PCDHGA9: variants seen among roughly 807,000 people sequenced by gnomAD.
The protein encoded by PCDHGA9 is protocadherin gamma-A9.
PCDHGA9 carries 37 observed loss-of-function variants against 62.5 expected under a neutral mutation model. That is an observed-to-expected ratio of 0.59 (90% CI 0.46 to 0.78). The LOEUF is 0.78. PCDHGA9 is among the 30% of genes least tolerant of loss of function. The probability of loss-of-function intolerance (pLI) is 0.00; values close to 1 mark genes in which losing one functional copy is unlikely to be tolerated. For synonymous variants in PCDHGA9, 459 were observed against 484.6 expected (o/e 0.95, Z 0.69); for missense variants, 1,138 against 1,166.2 (o/e 0.98, Z 0.35).
chr5:141,423,141 G>C, intron 1 of PCDHGA9: 1 of 1,613,580 alleles, frequency 6.2e-7, no homozygotes, highest in Non-Finnish European at 8.5e-7. Flanking sequence ...ACAGAGACGC[G>C]CTCAAGCAGA....
Position 141,405,288 on chromosome 5 carries a change from T to C in PCDHGA9, c.2336T>C (p.Leu779Pro). 1 of 1,614,110 alleles carries C rather than the reference T, an allele frequency of 6.2e-7. No individual in the cohort carries two copies. The highest frequency in any genetic ancestry group is 1.3e-5 in the African/African-American group (1 of 75,016). Reference protein sequence around the residue: ...IFPQPNYADTLISQQSCEKNE... With the variant: ...IFPQPNYADTPISQQSCEKNE... Reference sequence around the variant, plus strand: ...CCCCAGCCCAACTATGCAGACACACTCATCAGCCAGCAGAGCTGTGAGAAA... The same window carrying C: ...CCCCAGCCCAACTATGCAGACACACCCATCAGCCAGCAGAGCTGTGAGAAA... The change falls in exon 1 of 4, where the codon CTC becomes CCC. Residue 779 changes from leucine (L) to proline (P), a missense_variant. Leu to Pro is a moderately conservative substitution (Grantham distance 98, BLOSUM62 -3). Coordinates refer to ENST00000573521, the MANE Select transcript of PCDHGA9 (RefSeq NM_018921.3).
At chr5:141,423,497 A>G in intron 1 of PCDHGA9, 4 of 1,613,940 alleles carry the variant, frequency 2.5e-6, no homozygotes, top group Non-Finnish European at 3.4e-6. Flanking sequence ...TATTCCCACG[A>G]GGTCTCTCTC....
At chr5:141,423,362 T>G (rs1419859253) in intron 1 of PCDHGA9, 1 of 1,614,112 alleles carries the variant, frequency 6.2e-7, no homozygotes, top group African/African-American at 1.3e-5. Flanking sequence ...GTCATCGTGC[T>G]GCTGGCACTC....
intron 1 of PCDHGA9, chr5:141,417,979 G>C (rs2096202372): frequency 6.2e-7 from 1 of 1,613,752 alleles, no homozygotes; most frequent in Admixed American, 1.7e-5. Context: ...TTCCGGAGGA[G>C]CTGGCCAAGG....
chr5:141,465,800 C>T (rs1486100601), intron 1 of PCDHGA9, among the ~76,000 whole-genome samples: 1 of 151,524 alleles, frequency 6.6e-6, no homozygotes, highest in African/African-American at 2.4e-5. Flanking sequence ...TTTAAGAAAC[C>T]CTTCAGGATC....
At chr5:141,430,842 G>A (rs935750449) in intron 1 of PCDHGA9, 4 of 1,567,068 alleles carry the variant, frequency 2.6e-6, no homozygotes, top group Non-Finnish European at 3.4e-6. Flanking sequence ...GAGACCGGAT[G>A]CACCCAGATA....
intron 1 of PCDHGA9, chr5:141,420,309 A>G (rs1263620304): frequency 2.7e-6 from 4 of 1,460,536 alleles, no homozygotes; most frequent in Non-Finnish European, 3.7e-6. Context: ...TCCTTTTTAT[A>G]TTACAATATG....
intron 1 of PCDHGA9, among the ~76,000 whole-genome samples, chr5:141,456,537 G>A (rs1411788378): frequency 1.3e-5 from 2 of 152,178 alleles, no homozygotes; most frequent in African/African-American, 4.8e-5. Flanking sequence ...ATTAAAGAGG[G>A]ATTGTAGCCA....
intron 1 of PCDHGA9, among the ~76,000 whole-genome samples, chr5:141,481,426 A>G (rs1431602618): frequency 6.6e-6 from 1 of 152,238 alleles, no homozygotes; most frequent in Non-Finnish European, 1.5e-5. Flanking sequence ...TGTGATGATG[A>G]TTGTATCAGT....
At chr5:141,414,570 C>G (rs1253876890) in intron 1 of PCDHGA9, 13 of 1,613,862 alleles carry the variant, frequency 8.1e-6, no homozygotes, top group Non-Finnish European at 1.0e-5. Flanking sequence ...TTACCTATAT[C>G]CCAGAGAACA....
chr5:141,433,329 G>A, intron 1 of PCDHGA9: 1 of 702,998 alleles, frequency 1.4e-6, no homozygotes, highest in Non-Finnish European at 2.4e-6. Context: ...GTGTAACAGG[G>A]ACTACAGGTG....
At position 141,404,819 on chromosome 5, in the gene PCDHGA9, A is replaced by G; in HGVS notation, c.1867A>G (p.Thr623Ala). 1 of 1,608,430 alleles carries G rather than the reference A, an allele frequency of 6.2e-7. No individual in the cohort carries two copies. Among genetic ancestry groups the G allele is most frequent in the South Asian group, 1.1e-5 (1 of 90,772 alleles). ...AGGGCTCTTCTCGGTGGGGCTGCAC[A>G]CAGGTGAAGTGCGCACAGCTCGGGC... The part of the protein sequence containing the change: ...EPGLFSVGLH[T>A]GEVRTARALL... Residue 623 changes from threonine to alanine, a missense_variant, in exon 1 of 4, where the codon ACA (threonine) becomes GCA (alanine). By Grantham distance (58) the Thr-to-Ala change is moderately conservative (BLOSUM62 0). Coordinates refer to ENST00000573521, the MANE Select transcript of PCDHGA9 (RefSeq NM_018921.3).
At chr5:141,419,155 A>G in intron 1 of PCDHGA9, 1 of 1,613,966 alleles carries the variant, frequency 6.2e-7, no homozygotes, top group Middle Eastern at 1.6e-4. Context: ...AGCCTCCGTT[A>G]TCCTCCAGCA....
At chr5:141,423,620 C>A in intron 1 of PCDHGA9, 1 of 1,608,268 alleles carries the variant, frequency 6.2e-7, no homozygotes, top group Non-Finnish European at 8.5e-7. Flanking sequence ...GCTGAAGACT[C>A]AGCTATCATT....
At chr5:141,459,686 C>T (rs79275885) in intron 1 of PCDHGA9, among the ~76,000 whole-genome samples, 5,534 of 152,296 alleles carry the variant, frequency 0.036, 130 homozygotes, top group South Asian at 0.077. Flanking sequence ...ATGCATAAAG[C>T]GTTCCGCTTG....
Position 141,403,047 on chromosome 5 carries a change from G to T in PCDHGA9, c.95G>T (p.Arg32Leu). The change falls in exon 1 of 4, where the codon CGC becomes CTC. Residue 32 changes from arginine (R) to leucine (L), a missense_variant. Arg to Leu is a moderately radical substitution (Grantham distance 102, BLOSUM62 -2). Coordinates refer to ENST00000573521, the MANE Select transcript of PCDHGA9 (RefSeq NM_018921.3). ...MLWEARASQI[R>L]YSVPEETEKG... is the part of the protein sequence containing the mutation. ...TGGGAGGCCAGGGCCAGTCAGATTCGCTACTCAGTGCCTGAAGAGACAGAA... is the reference window on the plus strand; with the variant it reads ...TGGGAGGCCAGGGCCAGTCAGATTCTCTACTCAGTGCCTGAAGAGACAGAA... 6.2e-7 allele frequency: 1 copy of T among 1,614,062 alleles called. No homozygotes were observed. The highest frequency in any genetic ancestry group is 8.5e-7 in the Non-Finnish European group (1 of 1,179,900).
At chr5:141,422,806 C>A in intron 1 of PCDHGA9, 1 of 1,614,208 alleles carries the variant, frequency 6.2e-7, no homozygotes, top group Non-Finnish European at 8.5e-7. Flanking sequence ...TGAGCAGTTT[C>A]GAGACTTAGA....
chr5:141,430,804 G>T, intron 1 of PCDHGA9: 2 of 1,525,868 alleles, frequency 1.3e-6, no homozygotes, highest in Non-Finnish European at 1.8e-6. Context: ...GGCTTGTCCT[G>T]CTGGGAATCC....
chr5:141,450,310 G>A (rs1364358879), intron 1 of PCDHGA9, among the ~76,000 whole-genome samples: 1 of 151,966 alleles, frequency 6.6e-6, no homozygotes, highest in Non-Finnish European at 1.5e-5. Context: ...ACCATGTGTG[G>A]CCTAGTTGCC....
Sources: gnomAD v4.1 joint callset for allele counts (sites outside exome capture counted in the v4.1 genomes callset) on GRCh38, gnomAD v4.1.1 for gene constraint, MANE v1.5 for transcripts, NCBI Gene and HGNC (gene_info 2026-07-23, HGNC 2026-07-21) for gene names.